The following WDR87 variants were observed in gnomAD, a reference collection of about 807,000 sequenced individuals.
The protein encoded by WDR87 is WD repeat domain 87, also known as WD repeat-containing protein 87.
Under a neutral mutation model 83.3 loss-of-function variants are expected in WDR87, and 56 were observed. That is an observed-to-expected ratio of 0.67 (90% CI 0.54 to 0.84). The LOEUF (loss-of-function observed/expected upper bound fraction) is 0.84, where lower values mean the gene tolerates loss of function less well. Among genes scored for constraint, WDR87 ranks in the 40% least tolerant of loss-of-function variants. The pLI is 0.00. For synonymous variants in WDR87, 1,173 were observed against 1,250.6 expected (o/e 0.94, Z 1.31); for missense variants, 2,939 against 3,431.9 (o/e 0.86, Z 3.59).
At chr19:37,904,158 T>C (rs2046309085) in intron 1 of WDR87, among the ~76,000 whole-genome samples, 1 of 152,114 alleles carries the variant, frequency 6.6e-6, no homozygotes, top group Non-Finnish European at 1.5e-5. Flanking sequence ...CGCCTCGGCC[T>C]CCCAAAGTGG....
In WDR87 at chr19:37,894,415, T is replaced by C. The variant is rs1327291044; in HGVS notation, c.1288A>G (p.Ser430Gly). ...GTGTCAAATACCAGAACCTCTGAGCTGCCTGTTGCTACAAAGAGCTCCTCT... is the reference window on the plus strand; with the variant it reads ...GTGTCAAATACCAGAACCTCTGAGCCGCCTGTTGCTACAAAGAGCTCCTCT... Reference protein sequence around the residue: ...GKEELFVATGSSEVLVFDTTR... With the variant: ...GKEELFVATGGSEVLVFDTTR... The change falls in exon 4 of 6, where the codon AGC becomes GGC. Residue 430 changes from serine to glycine, a missense_variant. Ser to Gly is a moderately conservative substitution (Grantham distance 56). Coordinates refer to ENST00000447313, the MANE Select transcript of WDR87 (RefSeq NM_001291088.2). 2 of 1,551,754 alleles carry C rather than the reference T, an allele frequency of 1.3e-6. No homozygotes were observed. Among genetic ancestry groups the C allele is most frequent in the South Asian group, 1.2e-5 (1 of 84,060 alleles).
Position 37,888,013 on chromosome 19 carries a change from GGCCAGATTCTTCTTTTCCTGA to G in WDR87, c.5637_5657del (p.Lys1883_Lys1889del), listed in dbSNP as rs1374365610. ...TCTGAGCCAATTTTTCCTTCTCCTG[GGCCAGATTCTTCTTTTCCTGA>G]GCCAGATTCTTCTTCTGGTACAGTA... is the stretch of plus-strand genomic sequence containing the variant. On this transcript the variant is annotated inframe_deletion, in exon 6 of 6. Transcript: ENST00000447313. The G allele has an allele frequency of 1.7e-5, 26 of 1,550,754 alleles. No individual in the cohort carries two copies. Among genetic ancestry groups the G allele is most frequent in the South Asian group, 6.0e-5 (5 of 83,756 alleles).
chr19:37,899,770 T>G (rs1220131418), intron 1 of WDR87, among the ~76,000 whole-genome samples: 2 of 152,038 alleles, frequency 1.3e-5, no homozygotes, highest in African/African-American at 2.4e-5. Flanking sequence ...TTGTTTCAAT[T>G]TTTGTAGAGA....
intron 3 of WDR87, among the ~76,000 whole-genome samples, 180 bp from the exon 4 acceptor site, chr19:37,895,636 C>T (rs1180263817): frequency 6.6e-6 from 1 of 151,580 alleles, no homozygotes; most frequent in African/African-American, 2.4e-5. Context: ...GGTGTGGTGT[C>T]GGTGCCTGTA....
At position 37,884,837 on chromosome 19, in the gene WDR87, AAAAAAG is replaced by A; in HGVS notation, c.*89_*94del. 2 of 1,183,328 alleles carry A rather than the reference AAAAAAG, an allele frequency of 1.7e-6. No individual in the cohort carries two copies. Among genetic ancestry groups the A allele is most frequent in the Non-Finnish European group, 2.2e-6 (2 of 928,654 alleles). The allele number at this position is 1,183,328 out of a possible 1,614,324, so 73.3% of individuals were successfully genotyped here. A position where few individuals can be genotyped will look rare whatever the true frequency, so the allele number is the denominator to read the frequency against. On this transcript the variant is annotated 3_prime_UTR_variant, in exon 6 of 6. Coordinates refer to ENST00000447313, the MANE Select transcript of WDR87 (RefSeq NM_001291088.2). Reference sequence around the variant, plus strand: ...GAGTGAAACACCGTCTCAAAAAAAAAAAAAAGAGAGAGAGAGAGATGAAGGTCTAGA... The same window carrying A: ...GAGTGAAACACCGTCTCAAAAAAAAAAGAGAGAGAGAGATGAAGGTCTAGA...
At position 37,895,478 on chromosome 19, in the gene WDR87, A is replaced by G. The variant is rs1178593212; in HGVS notation, c.247-22T>C. 4.5e-6 allele frequency: 7 copies of G among 1,542,558 alleles called. No individual in the cohort carries two copies. In the East Asian group the frequency reaches 1.5e-4, roughly 32 times the overall value. ...CAGCCTAGAAGAGAATAAGAAGGAA[A>G]CTGCCTAGGCCGGGTGAGGTGGTTC... On this transcript the variant is annotated intron_variant, in intron 3 of 5. Transcript: ENST00000447313.
intron 1 of WDR87, among the ~76,000 whole-genome samples, chr19:37,904,441 T>C (rs1297334015): frequency 6.6e-6 from 1 of 151,486 alleles, no homozygotes; most frequent in Non-Finnish European, 1.5e-5. Context: ...TCACTGCAAC[T>C]TCTGCCTCCT....
chr19:37,897,046 G>A (rs1599769789), intron 2 of WDR87, among the ~76,000 whole-genome samples: 1 of 152,218 alleles, frequency 6.6e-6, no homozygotes, highest in Admixed American at 6.5e-5. Flanking sequence ...CCCAAAGTCA[G>A]TGCAGCTCTA....
At chr19:37,900,879 C>A (rs936803968) in intron 1 of WDR87, among the ~76,000 whole-genome samples, 3 of 150,932 alleles carry the variant, frequency 2.0e-5, no homozygotes, top group African/African-American at 7.3e-5. Context: ...GTGGGAGTTA[C>A]CCCAGGCCAA....
intron 1 of WDR87, among the ~76,000 whole-genome samples, chr19:37,900,695 T>A (rs1466901947): frequency 6.6e-6 from 1 of 152,014 alleles, no homozygotes; most frequent in Non-Finnish European, 1.5e-5. Context: ...AACTTGGGAC[T>A]GGCTGGCAGC....
At chr19:37,902,397 T>C (rs906319493) in intron 1 of WDR87, among the ~76,000 whole-genome samples, 1 of 151,832 alleles carries the variant, frequency 6.6e-6, no homozygotes, top group South Asian at 2.1e-4. Flanking sequence ...TATTTTTTTT[T>C]AGTAGAGATG....
rs1012309711 is a variant in WDR87, at chr19:37,886,497, G to A, written c.7174C>T (p.Gln2392Ter). ...ILKKEKQFKL[Q>*]EQRRKSLRGR... ...CTTAGGCTCTTTCTTCTTTGTTCTT[G>A]TAACTTAAATTGTTTTTCTTTTTTT... is the stretch of plus-strand genomic sequence containing the variant. Residue 2392 changes from glutamine (Q) to a stop codon, truncating the protein, a stop_gained, in exon 6 of 6, where the codon CAA (glutamine) becomes TAA (stop). Coordinates refer to ENST00000447313, the MANE Select transcript of WDR87 (RefSeq NM_001291088.2). LOFTEE classifies it low-confidence loss of function (END_TRUNC). The A allele has an allele frequency of 1.3e-5, 19 of 1,510,424 alleles. No individual in the cohort carries two copies. The African/African-American group carries it at 1.3e-4, about 10-fold the overall frequency. 93.6% of individuals were successfully genotyped at this position (1,510,424 alleles called of 1,614,324 possible). A position where few individuals can be genotyped will look rare whatever the true frequency, so the allele number is the denominator to read the frequency against.
Position 37,885,025 on chromosome 19 carries a change from C to A in WDR87, c.8646G>T (p.Arg2882=). Residue 2882 remains arginine, a synonymous_variant, in exon 6 of 6, where the codon CGG becomes CGT. Transcript: ENST00000447313. ...TCCAGGCAAGTTCTAAGATCCCATA[C>A]CGGGCAATGCCCACGGGAAGGATGG... is the stretch of plus-strand genomic sequence containing the variant. The part of the protein sequence containing the change: ...VRTILPVGIA[R]YGILELAWKS... 2 of 1,438,950 alleles carry A rather than the reference C, an allele frequency of 1.4e-6. No individual in the cohort carries two copies. The highest frequency in any genetic ancestry group is 1.7e-5 in the South Asian group (1 of 60,580). 89.1% of individuals were successfully genotyped at this position (1,438,950 alleles called of 1,614,324 possible). A position where few individuals can be genotyped will look rare whatever the true frequency, so the allele number is the denominator to read the frequency against.
Position 37,892,796 on chromosome 19 carries a change from T to C in WDR87, c.2907A>G (p.Thr969=). The C allele has an allele frequency of 6.4e-7, 1 of 1,551,744 alleles. No homozygotes were observed. Among genetic ancestry groups the C allele is most frequent in the Non-Finnish European group, 8.7e-7 (1 of 1,147,000 alleles). ...CTCGGATCAGCGGGTTGGAATTGGT[T>C]GTATCATTCAGTAGCCGACGGGCTG... ...SETARRLLND[T]TNSNPLIREL... The change falls in exon 4 of 6, where the codon ACA becomes ACG. Residue 969 remains threonine, a synonymous_variant. Coordinates refer to ENST00000447313, the MANE Select transcript of WDR87 (RefSeq NM_001291088.2).
rs1368655194 is a variant in WDR87 at position 37,888,142 on chromosome 19, T to C, written c.5529A>G (p.Gln1843=). ...CCAGTTTCATCTTCTTCTCAATCAATTGCTCCCTTTTCCGTCCCAGTCTTT... is the reference window on the plus strand; with the variant it reads ...CCAGTTTCATCTTCTTCTCAATCAACTGCTCCCTTTTCCGTCCCAGTCTTT... The part of the protein sequence containing the change: ...EEERLGRKRE[Q]LIEKKMKLAQ... The change falls in exon 6 of 6, where the codon CAA becomes CAG. Residue 1843 remains glutamine, a synonymous_variant. Transcript: ENST00000447313. 1 of 1,552,162 alleles carries C rather than the reference T, an allele frequency of 6.4e-7. No homozygotes were observed.
rs2145414999 is a variant in WDR87 at position 37,885,650 on chromosome 19, C to A, written c.8021G>T (p.Arg2674Met). The A allele has an allele frequency of 1.3e-6, 2 of 1,551,724 alleles. No homozygotes were observed. The highest frequency in any genetic ancestry group is 1.7e-6 in the Non-Finnish European group (2 of 1,147,006). ...TCCTAGAAGATGCCAATTTTTAGCC[C>A]TTGGGTCTGGAATCCTCTTGGTAGC... Reference protein sequence around the residue: ...PLATKRIPDPRAKNWHLLGEP... With the variant: ...PLATKRIPDPMAKNWHLLGEP... Residue 2674 changes from arginine to methionine, a missense_variant, in exon 6 of 6, where the codon AGG (arginine) becomes ATG (methionine). Physicochemically the swap from Arg to Met is moderately conservative, Grantham distance 91. Transcript: ENST00000447313.
At chr19:37,903,408 CAT>C (rs1176157294) in intron 1 of WDR87, among the ~76,000 whole-genome samples, 2 of 152,212 alleles carry the variant, frequency 1.3e-5, no homozygotes, top group African/African-American at 2.4e-5. Context: ...GGCTGACAAA[CAT>C]ACATTAACAG....
intron 1 of WDR87, among the ~76,000 whole-genome samples, chr19:37,902,865 G>T (rs1169190383): frequency 2.0e-5 from 3 of 152,190 alleles, no homozygotes; most frequent in African/African-American, 7.2e-5. Context: ...ACAGGTGAGT[G>T]TGAGGGGATC....
At position 37,894,555 on chromosome 19, in the gene WDR87, G is replaced by C; in HGVS notation, c.1148C>G (p.Thr383Ser). The change falls in exon 4 of 6, where the codon ACC (threonine) becomes AGC (serine). Residue 383 changes from threonine (T) to serine (S), a missense_variant. Around this residue, in one of 3 missense-constraint regions of WDR87, gnomAD observed 553 missense variants for 577.9 expected, o/e 0.96. Coordinates refer to ENST00000447313, the MANE Select transcript of WDR87 (RefSeq NM_001291088.2). The part of the protein sequence containing the change: ...CGNNWFRILC[T>S]TEDGLLRFVS... Reference sequence around the variant, plus strand: ...AAAGCGCAACAAGCCATCCTCAGTGGTACACAGGATCCGGAACCAGTTATT... The same window carrying C: ...AAAGCGCAACAAGCCATCCTCAGTGCTACACAGGATCCGGAACCAGTTATT... 6.4e-7 allele frequency: 1 copy of C among 1,551,712 alleles called. No homozygotes were observed. The highest frequency in any genetic ancestry group is 8.7e-7 in the Non-Finnish European group (1 of 1,147,004).
Sources: gnomAD v4.1 joint callset for allele counts (sites outside exome capture counted in the v4.1 genomes callset) on GRCh38, gnomAD v4.1.1 for gene constraint, gnomAD v4.1.1 regional missense constraint, MANE v1.5 for transcripts, NCBI Gene and HGNC (gene_info 2026-07-23, HGNC 2026-07-21) for gene names.